MAP2K3: variants seen among roughly 807,000 people sequenced by gnomAD.
The protein encoded by MAP2K3 is mitogen-activated protein kinase kinase 3, also known as dual specificity mitogen-activated protein kinase kinase 3.
A neutral mutation model predicts 46.4 loss-of-function variants in MAP2K3; 30 were observed. That is an observed-to-expected ratio of 0.65 (90% confidence interval 0.48 to 0.88). The LOEUF is 0.88. MAP2K3 is among the 40% of genes least tolerant of loss of function. The pLI is 0.00. For synonymous variants in MAP2K3, 189 were observed against 176.3 expected (o/e 1.07, Z -0.57); for missense variants, 380 against 464.5 (o/e 0.82, Z 1.67).
chr17:21,291,902 C>T (rs1285488361), intron 1 of MAP2K3, among the ~76,000 whole-genome samples: 1 of 152,308 alleles, frequency 6.6e-6, no homozygotes, highest in Non-Finnish European at 1.5e-5. Flanking sequence ...GAGGTCATGG[C>T]CCCTTCACCC....
intron 5 of MAP2K3, 142 bp downstream of exon 5, chr17:21,301,135 G>A: frequency 7.1e-7 from 1 of 1,416,436 alleles, no homozygotes; most frequent in Non-Finnish European, 9.7e-7. Flanking sequence ...TCTCTTGGCT[G>A]TTACTGTCCT....
intron 6 of MAP2K3, 145 bp from the exon 7 acceptor site, chr17:21,303,038 G>A (rs994868393): frequency 3.4e-5 from 36 of 1,055,570 alleles, no homozygotes; most frequent in Non-Finnish European, 4.6e-5. Context: ...GGACAGGGCA[G>A]GAGGCTGGGA....
intron 1 of MAP2K3, among the ~76,000 whole-genome samples, chr17:21,295,291 C>A (rs1256365677): frequency 6.6e-6 from 1 of 152,312 alleles, no homozygotes; most frequent in Non-Finnish European, 1.5e-5. Flanking sequence ...GGGTGCCTCT[C>A]TTTACCTGTG....
chr17:21,300,862 C>G lies in MAP2K3; in HGVS notation c.280-12C>G, dbSNP rs769574871. 6.2e-7 allele frequency: 1 copy of G among 1,614,056 alleles called. No homozygotes were observed. Among genetic ancestry groups the G allele is most frequent in the Non-Finnish European group, 8.5e-7 (1 of 1,180,044 alleles). On this transcript the variant is annotated splice_polypyrimidine_tract_variant and intron_variant, in intron 4 of 11. Coordinates refer to ENST00000342679, the MANE Select transcript of MAP2K3 (RefSeq NM_145109.3). Reference sequence around the variant, plus strand: ...GCCACGGCAACCTCTGAATGGCAGTCCTTCCCTGCAGCGGATCCGGGCCAC... The same window carrying G: ...GCCACGGCAACCTCTGAATGGCAGTGCTTCCCTGCAGCGGATCCGGGCCAC...
Position 21,295,972 on chromosome 17 carries a change from T to C in MAP2K3, c.50-2441T>C, listed in dbSNP as rs1321777444. ...AAGGCCCAGGGTCTCTGTGCAGAGCTTTAATTTTTAACAGAAAATATTTTA... is the reference window on the plus strand; with the variant it reads ...AAGGCCCAGGGTCTCTGTGCAGAGCCTTAATTTTTAACAGAAAATATTTTA... On this transcript the variant is annotated intron_variant, in intron 1 of 11. Coordinates refer to ENST00000342679, the MANE Select transcript of MAP2K3 (RefSeq NM_145109.3). 4.8e-6 allele frequency: 6 copies of C among 1,260,212 alleles called. No homozygotes were observed. The African/African-American group carries it at 9.3e-5, about 19-fold the overall frequency. 78.1% of individuals were successfully genotyped at this position (1,260,212 alleles called of 1,614,324 possible).
rs750306908 is a variant in MAP2K3, at chr17:21,302,262, G to T, written c.516+3G>T. 3.4e-5 allele frequency: 55 copies of T among 1,603,244 alleles called. No homozygotes were observed. The African/African-American group carries it at 5.4e-4, about 16-fold the overall frequency. On this transcript the variant is annotated splice_donor_region_variant and intron_variant, in intron 6 of 11. Coordinates refer to ENST00000342679, the MANE Select transcript of MAP2K3 (RefSeq NM_145109.3). ...TCCTTGGGGAGATTGCTGTGTCTGT[G>T]AGTGGCCTGGGTGGGCTGGCGGGGG...
intron 2 of MAP2K3, 24 bp downstream of exon 2, chr17:21,298,503 T>A (rs760857077): frequency 6.2e-7 from 1 of 1,614,304 alleles, no homozygotes; most frequent in East Asian, 2.2e-5. Flanking sequence ...AGTTTCTCCC[T>A]GGCTCACCCT....
intron 1 of MAP2K3, among the ~76,000 whole-genome samples, chr17:21,292,821 C>T (rs1397466735): frequency 6.6e-6 from 1 of 152,312 alleles, no homozygotes; most frequent in Non-Finnish European, 1.5e-5. Context: ...TGCTGTACTC[C>T]TGCTGCTCTT....
intron 1 of MAP2K3, among the ~76,000 whole-genome samples, chr17:21,298,182 CTGG>C (rs1976368846): frequency 6.6e-6 from 1 of 152,310 alleles, no homozygotes; most frequent in Non-Finnish European, 1.5e-5. Flanking sequence ...AGATAAGGCC[CTGG>C]AGTCCAGCCT....
At chr17:21,294,061 A>G (rs1976099423) in intron 1 of MAP2K3, among the ~76,000 whole-genome samples, 1 of 152,312 alleles carries the variant, frequency 6.6e-6, no homozygotes, top group Non-Finnish European at 1.5e-5. Flanking sequence ...ACATCCATCC[A>G]CACCGTCGAG....
chr17:21,300,471 G>A (rs929499130), intron 3 of MAP2K3, 74 bp from the exon 4 acceptor site: 12 of 1,447,192 alleles, frequency 8.3e-6, no homozygotes, highest in East Asian at 7.3e-5. Context: ...TGCTGCCCAG[G>A]TATCTCCACT....
rs562747654 is a variant in MAP2K3, at chr17:21,307,240, A to G, written c.774+2112A>G. On this transcript the variant is annotated intron_variant, in intron 9 of 11. Coordinates refer to ENST00000342679, the MANE Select transcript of MAP2K3 (RefSeq NM_145109.3). The stretch of plus-strand genomic sequence containing the variant: ...GGGCCTTACCCTGAGTCACCTCATT[A>G]GCATAAACTCAGGCTCCTTGTGGAT... 2.0e-5 allele frequency among the ~76,000 whole-genome samples: 3 copies of G among 152,420 alleles called. No individual in the cohort carries two copies. The East Asian group carries it at 5.8e-4, about 29-fold the overall frequency.
At chr17:21,296,141 C>T (rs555909811) in intron 1 of MAP2K3, 77 of 1,289,556 alleles carry the variant, frequency 6.0e-5, no homozygotes, top group South Asian at 2.6e-4. Context: ...TCCCCATCTG[C>T]GCAGTGAACC....
intron 3 of MAP2K3, 72 bp downstream of exon 3, chr17:21,298,998 G>T: frequency 6.2e-7 from 1 of 1,600,236 alleles, no homozygotes; most frequent in Non-Finnish European, 8.6e-7. Context: ...ACCCTGCAGG[G>T]CCACTTTGGG....
chr17:21,294,451 T>A (rs1597806145), intron 1 of MAP2K3, among the ~76,000 whole-genome samples: 1 of 152,310 alleles, frequency 6.6e-6, no homozygotes, highest in South Asian at 2.1e-4. Flanking sequence ...CCCCTGTGGG[T>A]GACCCTTAGA....
chr17:21,302,636 A>G (rs1976671611), intron 6 of MAP2K3, among the ~76,000 whole-genome samples: 2 of 152,428 alleles, frequency 1.3e-5, no homozygotes, highest in Non-Finnish European at 2.9e-5. Context: ...GGGAAAGGTT[A>G]GCATCCAAAA....
intron 1 of MAP2K3, 135 bp from the exon 2 acceptor site, chr17:21,298,278 G>T: frequency 1.5e-6 from 2 of 1,296,114 alleles, no homozygotes; most frequent in Non-Finnish European, 2.2e-6. Context: ...GGCCTGGCTT[G>T]GAGAGAGGGG....
intron 1 of MAP2K3, among the ~76,000 whole-genome samples, chr17:21,287,492 A>T (rs983134697): frequency 2.0e-5 from 3 of 152,090 alleles, no homozygotes; most frequent in Admixed American, 2.0e-4. Context: ...ACCTTACTGG[A>T]GCTTTACCTT....
intron 9 of MAP2K3, among the ~76,000 whole-genome samples, chr17:21,305,450 A>G (rs1327386146): frequency 1.3e-5 from 2 of 152,406 alleles, no homozygotes; most frequent in African/African-American, 4.8e-5. Context: ...ATCATGCAAA[A>G]GCAAGATGGT....
Sources: allele counts gnomAD v4.1 joint callset (sites outside exome capture counted in the v4.1 genomes callset), GRCh38; gene constraint gnomAD v4.1.1; transcripts MANE v1.5; gene names NCBI Gene and HGNC (gene_info 2026-07-23, HGNC 2026-07-21).